The following RIN2 variants were observed in gnomAD, a reference collection of about 807,000 sequenced individuals.
The protein encoded by RIN2 is Ras and Rab interactor 2, also known as RAB5 interacting protein 2.
Under a neutral mutation model 78.0 loss-of-function variants are expected in RIN2, and 36 were observed. That is an observed-to-expected ratio of 0.46 (90% confidence interval 0.35 to 0.61). The LOEUF is 0.61. Among genes scored for constraint, RIN2 ranks in the 20% least tolerant of loss-of-function variants. The pLI is 0.00. For synonymous variants in RIN2, 466 were observed against 466.8 expected (o/e 1.00, Z 0.02); for missense variants, 1,087 against 1,159.7 (o/e 0.94, Z 0.91).
chr20:19,994,120 G>A (rs2042884178), intron 11 of RIN2, among the ~76,000 whole-genome samples: 1 of 152,222 alleles, frequency 6.6e-6, no homozygotes, highest in African/African-American at 2.4e-5. Flanking sequence ...AAAGACAAGG[G>A]CACAGCTAGT....
chr20:19,960,959 A>G (rs2146259093), intron 6 of RIN2, 148 bp downstream of exon 6: 1 of 604,314 alleles, frequency 1.7e-6, no homozygotes, highest in South Asian at 2.1e-5. Context: ...CTACTCCAGG[A>G]GCCTCAGTTT....
intron 3 of RIN2, among the ~76,000 whole-genome samples, chr20:19,906,606 T>C (rs202008095): frequency 6.6e-5 from 10 of 152,046 alleles, no homozygotes; most frequent in Non-Finnish European, 8.8e-5. Flanking sequence ...ACAAGAACCA[T>C]AGGGAGTGGT....
chr20:19,982,143 G>A (rs561405621), intron 9 of RIN2, among the ~76,000 whole-genome samples: 1 of 152,150 alleles, frequency 6.6e-6, no homozygotes, highest in African/African-American at 2.4e-5. Context: ...ATGTCAGGGC[G>A]GAGACAACAA....
intron 1 of RIN2, among the ~76,000 whole-genome samples, chr20:19,783,046 C>A (rs1200910870): frequency 6.6e-6 from 1 of 152,182 alleles, no homozygotes; most frequent in Non-Finnish European, 1.5e-5. Context: ...CAGCGGCCGC[C>A]TATGGTCAGT....
rs1441271702 is a variant in RIN2, at chr20:19,799,622, A to T, written c.-162A>T. ...TGAATGGTCAATTTTTGTGTTGTAG[A>T]TGGAGACGAGAGATCTGGACTTCTG... On this transcript the variant is annotated splice_region_variant and 5_prime_UTR_variant, in exon 2 of 13. The change abolishes an upstream ATG in the 5' untranslated region. Transcript: ENST00000255006. The T allele has an allele frequency of 6.6e-6, 1 of 152,200 alleles. No individual in the cohort carries two copies. Among genetic ancestry groups the T allele is most frequent in the Non-Finnish European group, 1.5e-5 (1 of 68,046 alleles). 9.4% of individuals were successfully genotyped at this position (152,200 alleles called of 1,614,324 possible).
chr20:19,867,683 C>T (rs557389611), intron 2 of RIN2, among the ~76,000 whole-genome samples: 140 of 152,264 alleles, frequency 9.2e-4, no homozygotes, highest in Middle Eastern at 6.8e-3. Flanking sequence ...TCCTCAGTCC[C>T]AGATATCAGG....
chr20:19,836,583 T>C (rs1015959609), intron 2 of RIN2, among the ~76,000 whole-genome samples: 2 of 152,136 alleles, frequency 1.3e-5, no homozygotes. Context: ...ATCTACCAAT[T>C]AGGAGACCAT....
intron 3 of RIN2, among the ~76,000 whole-genome samples, chr20:19,907,821 G>A (rs772557419): frequency 1.3e-5 from 2 of 152,176 alleles, no homozygotes; most frequent in Admixed American, 6.5e-5. Flanking sequence ...GGTTTGTAAG[G>A]GCTGCCAATC....
intron 9 of RIN2, among the ~76,000 whole-genome samples, chr20:19,986,261 G>A (rs1311685682): frequency 2.0e-5 from 3 of 151,976 alleles, no homozygotes; most frequent in Admixed American, 6.5e-5. Context: ...GAGCCAGCTG[G>A]ATCGTGGGTC....
At position 19,858,461 on chromosome 20, in the gene RIN2, G is replaced by C. The variant is rs543986797; in HGVS notation, c.-36-31105G>C. ...TCAGTGCTGTCCAGCCCAAATATCTGCATTGCGTCTCTTAGAGTGTTTGGA... is the reference window on the plus strand; with the variant it reads ...TCAGTGCTGTCCAGCCCAAATATCTCCATTGCGTCTCTTAGAGTGTTTGGA... On this transcript the variant is annotated intron_variant, in intron 2 of 12. Transcript: ENST00000255006. Among the ~76,000 whole-genome samples the C allele has an allele frequency of 2.6e-5, 4 of 152,304 alleles. No individual in the cohort carries two copies. In the South Asian group the frequency reaches 8.3e-4, roughly 32 times the overall value.
At chr20:19,868,300 G>C (rs957607635) in intron 2 of RIN2, among the ~76,000 whole-genome samples, 4 of 152,228 alleles carry the variant, frequency 2.6e-5, no homozygotes, top group African/African-American at 7.2e-5. Flanking sequence ...GGACATACGC[G>C]CTTTCCACCG....
In RIN2 at chr20:19,772,826, A is replaced by G. The variant is rs555094408; in HGVS notation, c.-163+14499A>G. Among the ~76,000 whole-genome samples, 100 of 152,332 alleles carry G rather than the reference A, an allele frequency of 6.6e-4. 2 individuals carry two copies. The highest frequency in any genetic ancestry group is 2.3e-3 in the African/African-American group (95 of 41,572). The stretch of plus-strand genomic sequence containing the variant: ...GAGATGGAGTGATTTGTCTGTAGTC[A>G]CAAAGCTTGAAAGTGGGGAAGCCAC... On this transcript the variant is annotated intron_variant, in intron 1 of 12. Transcript: ENST00000255006.
chr20:19,767,876 G>A (rs1021234559), intron 1 of RIN2, among the ~76,000 whole-genome samples: 1 of 143,844 alleles, frequency 7.0e-6, no homozygotes, highest in East Asian at 2.0e-4. Flanking sequence ...AGGGAGCCGA[G>A]ATCACGCCAC....
intron 2 of RIN2, among the ~76,000 whole-genome samples, chr20:19,869,942 G>A (rs534124516): frequency 1.9e-4 from 29 of 152,060 alleles, no homozygotes; most frequent in Non-Finnish European, 3.1e-4. Flanking sequence ...GCCACCTCAC[G>A]GGGCCAAGTT....
At chr20:19,837,004 T>G (rs2036436335) in intron 2 of RIN2, among the ~76,000 whole-genome samples, 1 of 152,144 alleles carries the variant, frequency 6.6e-6, no homozygotes, top group South Asian at 2.1e-4. Flanking sequence ...AACTACCATT[T>G]ATTGTATATC....
rs183034639 is a variant in RIN2 at position 19,866,871 on chromosome 20, C to A, written c.-36-22695C>A. On this transcript the variant is annotated intron_variant, in intron 2 of 12. Coordinates refer to ENST00000255006, the MANE Select transcript of RIN2 (RefSeq NM_018993.4). ...ATCTCCTGACCTCAAGCGATTCTCC[C>A]GCCTTGGCCTCCCAAAGTGCTGGGA... Among the ~76,000 whole-genome samples the A allele has an allele frequency of 7.9e-5, 12 of 152,198 alleles. No individual in the cohort carries two copies. In the East Asian group the frequency reaches 2.3e-3, roughly 29 times the overall value.
At chr20:19,839,594 A>G (rs186454380) in intron 2 of RIN2, among the ~76,000 whole-genome samples, 35 of 152,336 alleles carry the variant, frequency 2.3e-4, no homozygotes, top group African/African-American at 8.2e-4. Flanking sequence ...GCTTGGCTAG[A>G]GAAGATCCTT....
chr20:19,880,932 T>C (rs2038010368), intron 2 of RIN2, among the ~76,000 whole-genome samples: 2 of 152,214 alleles, frequency 1.3e-5, no homozygotes, highest in South Asian at 2.1e-4. Context: ...TGGCTTCCTT[T>C]AACTATTCCC....
intron 2 of RIN2, among the ~76,000 whole-genome samples, chr20:19,815,748 C>A (rs111382151): frequency 6.6e-6 from 1 of 152,354 alleles, no homozygotes; most frequent in African/African-American, 2.4e-5. Context: ...GCCCGCTACA[C>A]CACAGAGTCC....
Sources: gnomAD v4.1 joint callset for allele counts (sites outside exome capture counted in the v4.1 genomes callset) on GRCh38, gnomAD v4.1.1 for gene constraint, MANE v1.5 for transcripts, NCBI Gene and HGNC (gene_info 2026-07-23, HGNC 2026-07-21) for gene names.